Variants in IKZF3 observed in about 807,000 individuals in gnomAD.
IKZF3 encodes the protein IKAROS family zinc finger 3.
In IKZF3, 10 loss-of-function variants were observed where a neutral mutation model predicts 49.0. The ratio of observed to expected loss-of-function variants is 0.20; its 90% CI spans 0.13 to 0.35. The LOEUF is 0.35. Among genes scored for constraint, IKZF3 ranks in the 10% least tolerant of loss-of-function variants. The pLI, the probability that IKZF3 is intolerant of heterozygous loss-of-function variation, is 1.00. For missense variants in IKZF3, 498 were observed against 664.8 expected (o/e 0.75, Z 2.76); for synonymous variants, 209 against 228.2 (o/e 0.92, Z 0.76).
intron 1 of IKZF3, among the ~76,000 whole-genome samples, chr17:39,850,805 AGT>A (rs1491325466): frequency 1.6e-5 from 2 of 126,666 alleles, no homozygotes; most frequent in African/African-American, 6.4e-5. Context: ...TATGCTATAT[AGT>A]ATATATACAT....
At chr17:39,819,118 T>C (rs942945906) in intron 3 of IKZF3, among the ~76,000 whole-genome samples, 1 of 152,236 alleles carries the variant, frequency 6.6e-6, no homozygotes, top group Non-Finnish European at 1.5e-5. Context: ...CTTGGGTTTT[T>C]ACAATATTTA....
intron 7 of IKZF3, among the ~76,000 whole-genome samples, chr17:39,777,088 T>C (rs1362129509): frequency 1.3e-5 from 2 of 152,226 alleles, no homozygotes; most frequent in Non-Finnish European, 2.9e-5. Flanking sequence ...CTCATTCTGC[T>C]GTATTTTTTG....
At chr17:39,862,920 T>C (rs2063254074) in intron 1 of IKZF3, among the ~76,000 whole-genome samples, 1 of 152,204 alleles carries the variant, frequency 6.6e-6, no homozygotes, top group East Asian at 1.9e-4. Context: ...CCAGTTTCTA[T>C]GGATTTACAT....
intron 5 of IKZF3, among the ~76,000 whole-genome samples, chr17:39,789,018 G>GCC (rs990358981): frequency 3.9e-5 from 6 of 152,132 alleles, no homozygotes; most frequent in Admixed American, 3.9e-4. Context: ...GCTCGCTACA[G>GCC]CCCCAATTTC....
At position 39,763,427 on chromosome 17, in the gene IKZF3, G is replaced by T. The variant is rs910668673; in HGVS notation, c.*2363C>A. 1.3e-5 allele frequency: 2 copies of T among 151,974 alleles called. No individual in the cohort carries two copies. Among genetic ancestry groups the T allele is most frequent in the Admixed American group, 1.3e-4 (2 of 15,272 alleles). 9.4% of individuals were successfully genotyped at this position (151,974 alleles called of 1,614,324 possible). A position where few individuals can be genotyped will look rare whatever the true frequency, so the allele number is the denominator to read the frequency against. ...TACAAATTAAGCTGACTCTTAATTT[G>T]TAAATAGGCTCCATGAAGTTGTCCC... is the stretch of plus-strand genomic sequence containing the variant. On this transcript the variant is annotated 3_prime_UTR_variant, in exon 8 of 8. Transcript: ENST00000346872.
chr17:39,843,231 G>C (rs991849049), intron 1 of IKZF3, among the ~76,000 whole-genome samples: 1 of 152,144 alleles, frequency 6.6e-6, no homozygotes, highest in Non-Finnish European at 1.5e-5. Flanking sequence ...TGATTTCCTG[G>C]TTTTGATGAT....
intron 3 of IKZF3, among the ~76,000 whole-genome samples, chr17:39,802,487 G>A (rs997078710): frequency 6.6e-6 from 1 of 151,282 alleles, no homozygotes; most frequent in Non-Finnish European, 1.5e-5. Flanking sequence ...TGTGCCTGTT[G>A]TCCCAGCTAC....
At chr17:39,802,380 G>A (rs915719777) in intron 3 of IKZF3, among the ~76,000 whole-genome samples, 13 of 151,886 alleles carry the variant, frequency 8.6e-5, no homozygotes, top group African/African-American at 2.9e-4. Flanking sequence ...GCAGAGGTGG[G>A]AGGATCGCTT....
intron 3 of IKZF3, among the ~76,000 whole-genome samples, chr17:39,820,109 G>C (rs1226133490): frequency 6.6e-6 from 1 of 152,126 alleles, no homozygotes; most frequent in Non-Finnish European, 1.5e-5. Flanking sequence ...TCTAGGTACT[G>C]TAAATATCTA....
chr17:39,798,669 C>A (rs1053909058), intron 3 of IKZF3, among the ~76,000 whole-genome samples: 33 of 152,206 alleles, frequency 2.2e-4, no homozygotes, highest in Non-Finnish European at 3.8e-4. Context: ...CCATACCCAG[C>A]TAATTTTTTG....
chr17:39,792,959 GAAC>G (rs1161349701), intron 3 of IKZF3, 26 bp from the exon 4 acceptor site: 4 of 1,607,140 alleles, frequency 2.5e-6, no homozygotes, highest in Non-Finnish European at 3.4e-6. Context: ...TGCAAGAAAT[GAAC>G]AACGACTATA....
intron 1 of IKZF3, among the ~76,000 whole-genome samples, chr17:39,853,229 C>A (rs1256384171): frequency 1.3e-5 from 2 of 152,102 alleles, no homozygotes; most frequent in Non-Finnish European, 2.9e-5. Flanking sequence ...TTTTTTACCA[C>A]TGTATTGCCA....
intron 1 of IKZF3, among the ~76,000 whole-genome samples, chr17:39,851,817 C>T (rs892723177): frequency 1.3e-5 from 2 of 152,086 alleles, no homozygotes; most frequent in African/African-American, 4.8e-5. Context: ...TAAAGAAAAT[C>T]CATTGAATAC....
chr17:39,793,433 G>A (rs1598025235), intron 3 of IKZF3, among the ~76,000 whole-genome samples: 1 of 152,194 alleles, frequency 6.6e-6, no homozygotes, highest in Non-Finnish European at 1.5e-5. Context: ...CTAATTTTAA[G>A]CCATGCATTG....
intron 6 of IKZF3, among the ~76,000 whole-genome samples, chr17:39,783,184 G>A (rs1232141064): frequency 6.6e-6 from 1 of 152,218 alleles, no homozygotes. Flanking sequence ...CTAATGGAGA[G>A]TGGAACAAAG....
At chr17:39,790,635 T>C (rs2060994729) in intron 5 of IKZF3, among the ~76,000 whole-genome samples, 1 of 152,178 alleles carries the variant, frequency 6.6e-6, no homozygotes. Flanking sequence ...CAGTCTTATT[T>C]TTCTAGGACG....
Position 39,766,449 on chromosome 17 carries a change from T to C in IKZF3, c.871A>G (p.Met291Val). 2 of 1,613,868 alleles carry C rather than the reference T, an allele frequency of 1.2e-6. No homozygotes were observed. Among genetic ancestry groups the C allele is most frequent in the Non-Finnish European group, 1.7e-6 (2 of 1,179,980 alleles). Residue 291 changes from methionine to valine, a missense_variant, in exon 8 of 8, where the codon ATG (methionine) becomes GTG (valine). This residue lies in a region of IKZF3 where 317 missense variants were observed against 397.3 expected (regional missense o/e 0.80). Transcript: ENST00000346872. ...ATGAGCTCACTCTCTTTCTCATACA[T>C]GTAACTTGAATTATAGTTGACATCA... is the stretch of plus-strand genomic sequence containing the variant. ...CFDVNYNSSY[M>V]YEKESELIQT...
chr17:39,765,929 T>A lies in IKZF3; in HGVS notation c.1391A>T (p.Tyr464Phe), dbSNP rs2060276440. The change falls in exon 8 of 8, where the codon TAT becomes TTT. Residue 464 changes from tyrosine to phenylalanine, a missense_variant. Transcript: ENST00000346872. Reference sequence around the variant, plus strand: ...GCCCATGTGAATCGTGAACATCACATAGTCCAGGAAGAGGACGCGGCAGTG... The same window carrying A: ...GCCCATGTGAATCGTGAACATCACAAAGTCCAGGAAGAGGACGCGGCAGTG... ...CDHCRVLFLD[Y>F]VMFTIHMGCH... 3.1e-6 allele frequency: 5 copies of A among 1,614,234 alleles called. No individual in the cohort carries two copies. The highest frequency in any genetic ancestry group is 4.2e-6 in the Non-Finnish European group (5 of 1,180,038).
At chr17:39,839,594 AT>A (rs890123514) in intron 1 of IKZF3, 39 of 433,578 alleles carry the variant, frequency 9.0e-5, no homozygotes, top group Non-Finnish European at 1.2e-4. Flanking sequence ...CTTTATTTTT[AT>A]TTTTTTTAGA....
Sources: gnomAD v4.1 joint callset for allele counts (sites outside exome capture counted in the v4.1 genomes callset) on GRCh38, gnomAD v4.1.1 for gene constraint, gnomAD v4.1.1 regional missense constraint, MANE v1.5 for transcripts, NCBI Gene and HGNC (gene_info 2026-07-23, HGNC 2026-07-21) for gene names.